The following SCAPER variants were observed in gnomAD, a reference collection of about 807,000 sequenced individuals.
SCAPER encodes the protein S-phase cyclin A associated protein in the ER.
SCAPER carries 98 observed loss-of-function variants against 182.2 expected under a neutral mutation model. The ratio of observed to expected loss-of-function variants is 0.54; its 90% CI spans 0.46 to 0.64. The LOEUF is 0.64. Ranked by LOEUF, SCAPER falls within the 30% of genes least tolerant of loss-of-function variation. SCAPER has a pLI of 0.00. For synonymous variants in SCAPER, 605 were observed against 564.6 expected (o/e 1.07, Z -1.01); for missense variants, 1,432 against 1,690.0 (o/e 0.85, Z 2.68).
chr15:76,701,900 T>C (rs994442091), intron 19 of SCAPER, 35 bp from the exon 20 acceptor site: 2 of 1,479,856 alleles, frequency 1.4e-6, no homozygotes, highest in East Asian at 4.5e-5. Context: ...GTAATCAATA[T>C]AACATTATAT....
At chr15:76,444,768 C>G (rs569972183) in intron 25 of SCAPER, among the ~76,000 whole-genome samples, 27 of 152,294 alleles carry the variant, frequency 1.8e-4, no homozygotes, top group African/African-American at 5.5e-4. Flanking sequence ...CTTGTTATGG[C>G]TCCATCAGTC....
intron 23 of SCAPER, among the ~76,000 whole-genome samples, chr15:76,572,919 T>TCTCACACACA (rs1477852757): frequency 5.9e-5 from 8 of 135,264 alleles, no homozygotes; most frequent in African/African-American, 2.2e-4. Context: ...TCTCTCTCTC[T>TCTCACACACA]CACACACACA....
intron 5 of SCAPER, among the ~76,000 whole-genome samples, chr15:76,840,417 C>CAAAACAAA (rs2069361029): frequency 9.7e-6 from 1 of 103,230 alleles, no homozygotes; most frequent in Non-Finnish European, 2.1e-5. Context: ...AGACCTGCCT[C>CAAAACAAA]AAAAAAAAAA....
At chr15:76,616,697 T>C (rs1415276105) in intron 22 of SCAPER, among the ~76,000 whole-genome samples, 1 of 152,134 alleles carries the variant, frequency 6.6e-6, no homozygotes, top group Non-Finnish European at 1.5e-5. Context: ...CTAAATATAG[T>C]ATAGATATGA....
intron 1 of SCAPER, among the ~76,000 whole-genome samples, chr15:76,895,912 C>G (rs146818324): frequency 6.6e-6 from 1 of 151,600 alleles, no homozygotes; most frequent in Non-Finnish European, 1.5e-5. Flanking sequence ...TGGTGGCAGG[C>G]GACTGTAGTC....
chr15:76,539,039 T>TA (rs1445356176), intron 23 of SCAPER, among the ~76,000 whole-genome samples: 1 of 151,152 alleles, frequency 6.6e-6, no homozygotes, highest in Non-Finnish European at 1.5e-5. Flanking sequence ...GTAACTTAAC[T>TA]AAATGCCAAG....
intron 24 of SCAPER, among the ~76,000 whole-genome samples, chr15:76,485,992 A>G (rs960470375): frequency 4.6e-5 from 7 of 152,082 alleles, no homozygotes; most frequent in African/African-American, 1.2e-4. Flanking sequence ...CAGATCACGA[A>G]GTCAGGAGAG....
intron 17 of SCAPER, among the ~76,000 whole-genome samples, chr15:76,728,350 T>C (rs897579522): frequency 5.3e-5 from 8 of 152,158 alleles, no homozygotes; most frequent in African/African-American, 1.7e-4. Context: ...AAGTCTCTTT[T>C]GCTGAAGCCA....
At chr15:76,870,370 C>T (rs781739182) in intron 2 of SCAPER, among the ~76,000 whole-genome samples, 3 of 150,938 alleles carry the variant, frequency 2.0e-5, no homozygotes, top group Non-Finnish European at 2.9e-5. Context: ...ATCTCTTATG[C>T]AGCAATAAAA....
rs2073821522 is a variant in SCAPER at position 76,886,048 on chromosome 15, C to G, written c.-59-2172G>C. On this transcript the variant is annotated intron_variant, in intron 1 of 31. Coordinates refer to ENST00000563290, the MANE Select transcript of SCAPER (RefSeq NM_020843.4). Reference sequence around the variant, plus strand: ...ATTGTTGGATCAAATGGTAATTCTACTTTTTAGCTTTTTAAGACATCCCCA... The same window carrying G: ...ATTGTTGGATCAAATGGTAATTCTAGTTTTTAGCTTTTTAAGACATCCCCA... Among the ~76,000 whole-genome samples, 4 of 152,130 alleles carry G rather than the reference C, an allele frequency of 2.6e-5. No homozygotes were observed. In the South Asian group the frequency reaches 8.3e-4, roughly 32 times the overall value.
At chr15:76,607,389 G>T (rs1169810802) in intron 22 of SCAPER, among the ~76,000 whole-genome samples, 1 of 152,238 alleles carries the variant, frequency 6.6e-6, no homozygotes, top group Non-Finnish European at 1.5e-5. Flanking sequence ...GAGATCAGCT[G>T]TTCATCTGAT....
chr15:76,507,171 T>G (rs917748145), intron 23 of SCAPER, among the ~76,000 whole-genome samples: 1 of 152,130 alleles, frequency 6.6e-6, no homozygotes, highest in African/African-American at 2.4e-5. Context: ...AGTGAGGCCG[T>G]TAGAGTAGGC....
intron 25 of SCAPER, among the ~76,000 whole-genome samples, chr15:76,447,938 G>A (rs539045795): frequency 6.6e-6 from 1 of 152,262 alleles, no homozygotes; most frequent in African/African-American, 2.4e-5. Context: ...CCCCTGAGCT[G>A]AGTCTCACAG....
rs571683347 is a variant in SCAPER at position 76,588,212 on chromosome 15, G to A, written c.2712-13928C>T. On this transcript the variant is annotated intron_variant, in intron 22 of 31. Coordinates refer to ENST00000563290, the MANE Select transcript of SCAPER (RefSeq NM_020843.4). ...GCTGGGATTACAGGCGTGAGCCACC[G>A]CGCCCGGCCCTGTCTCTCTTATTTC... Among the ~76,000 whole-genome samples, 107 of 152,294 alleles carry A rather than the reference G, an allele frequency of 7.0e-4. 2 individuals carry two copies. Among genetic ancestry groups the A allele is most frequent in the Middle Eastern group, 3.4e-3 (1 of 294 alleles).
rs1055372569 is a variant in SCAPER, at chr15:76,665,550, T to C, written c.2645+103A>G. The C allele has an allele frequency of 2.2e-6, 3 of 1,354,278 alleles. No individual in the cohort carries two copies. The African/African-American group carries it at 4.4e-5, about 20-fold the overall frequency. The allele number at this position is 1,354,278 out of a possible 1,614,324, so 83.9% of individuals were successfully genotyped here. ...CTCATCAGTGTTATTTCCAAGGCTT[T>C]CATGAAGCAAACAACTTTAAACTTT... On this transcript the variant is annotated intron_variant, in intron 21 of 31. Transcript: ENST00000563290.
intron 9 of SCAPER, chr15:76,774,559 A>T: frequency 2.7e-6 from 1 of 363,658 alleles, no homozygotes; most frequent in Non-Finnish European, 5.0e-6. Context: ...ATGCTCTAGG[A>T]TTTAAAGGTG....
chr15:76,716,681 G>T (rs999912053), intron 17 of SCAPER, among the ~76,000 whole-genome samples: 1 of 151,490 alleles, frequency 6.6e-6, no homozygotes, highest in African/African-American at 2.4e-5. Context: ...ACCACAGAGG[G>T]TTCAACAGCA....
chr15:76,598,412 A>G (rs2145758377), intron 22 of SCAPER, among the ~76,000 whole-genome samples: 1 of 121,658 alleles, frequency 8.2e-6, no homozygotes, highest in East Asian at 2.2e-4. Context: ...AAAGATGTAG[A>G]ACTAGAAATG....
At chr15:76,885,072 G>A (rs2073769508) in intron 1 of SCAPER, among the ~76,000 whole-genome samples, 1 of 152,190 alleles carries the variant, frequency 6.6e-6, no homozygotes, top group African/African-American at 2.4e-5. Context: ...AGGGGGTGAT[G>A]AAAATGTTCT....
Sources: allele counts gnomAD v4.1 joint callset (sites outside exome capture counted in the v4.1 genomes callset), GRCh38; gene constraint gnomAD v4.1.1; transcripts MANE v1.5; gene names NCBI Gene and HGNC (gene_info 2026-07-23, HGNC 2026-07-21).